Variants in ADAMTS7 observed in about 807,000 individuals in gnomAD.
The protein encoded by ADAMTS7 is A disintegrin and metalloproteinase with thrombospondin motifs 7.
In ADAMTS7, 89 loss-of-function variants were observed where a neutral mutation model predicts 172.6. That is an observed-to-expected ratio of 0.52 (90% confidence interval 0.43 to 0.61). The LOEUF (loss-of-function observed/expected upper bound fraction) is 0.61. Ranked by LOEUF, ADAMTS7 falls within the 20% of genes least tolerant of loss-of-function variation. The pLI is 0.00. For synonymous variants in ADAMTS7, 885 were observed against 978.4 expected, an observed-to-expected ratio of 0.90 and a Z score of 1.78; for missense variants, 1,973 against 2,355.6, an observed-to-expected ratio of 0.84 and a Z score of 3.36.
In ADAMTS7 at chr15:78,759,396, G is replaced by A. The variant is rs752954887; in HGVS notation, c.*25C>T. 115 of 1,569,126 alleles carry A rather than the reference G, an allele frequency of 7.3e-5. No individual in the cohort carries two copies. The highest frequency in any genetic ancestry group is 8.4e-5 in the Non-Finnish European group (98 of 1,161,826). On this transcript the variant is annotated 3_prime_UTR_variant, in exon 24 of 24. Coordinates refer to ENST00000388820, the MANE Select transcript of ADAMTS7 (RefSeq NM_014272.5). ...CCCGTGGTGGGCACTGAGGTCTGTC[G>A]GTCGGTCTGTGCATCCTGGCGCAGT...
chr15:78,765,207 G>C (rs1351141585), intron 19 of ADAMTS7: 1 of 237,480 alleles, frequency 4.2e-6, no homozygotes, highest in Admixed American at 5.1e-5. Context: ...AGGGGCACTA[G>C]CCAGCTTCTT....
chr15:78,777,552 G>C lies in ADAMTS7; in HGVS notation c.1359C>G (p.Ala453=). 1 of 1,608,608 alleles carries C rather than the reference G, an allele frequency of 6.2e-7. No individual in the cohort carries two copies. Among genetic ancestry groups the C allele is most frequent in the Non-Finnish European group, 8.5e-7 (1 of 1,177,714 alleles). Residue 453 remains alanine, a synonymous_variant, in exon 9 of 24, where the codon GCC becomes GCG. Coordinates refer to ENST00000388820, the MANE Select transcript of ADAMTS7 (RefSeq NM_014272.5). ...GWGLCLDDPP[A]KDIIDFPSVP... is the part of the protein sequence containing the mutation. Reference sequence around the variant, plus strand: ...CCGAGGGGAAGTCGATAATGTCCTTGGCAGGAGGGTCGTCCAGGCACAGGC... The same window carrying C: ...CCGAGGGGAAGTCGATAATGTCCTTCGCAGGAGGGTCGTCCAGGCACAGGC...
intron 1 of ADAMTS7, among the ~76,000 whole-genome samples, chr15:78,809,191 CT>C (rs903432967): frequency 9.9e-5 from 15 of 152,168 alleles, no homozygotes; most frequent in Admixed American, 2.0e-4. Flanking sequence ...TAGCAGGTCC[CT>C]GGGTCAGTCA....
rs1175508214 is a variant in ADAMTS7, at chr15:78,771,489, A to T, written c.2376+96T>A. The T allele has an allele frequency of 3.9e-6, 6 of 1,540,120 alleles. No individual in the cohort carries two copies. In the African/African-American group the frequency reaches 8.2e-5, roughly 21 times the overall value. ...CAGAGCCAGGCTCTGTGACTGAACCAGGGCTCACTCCTCCAGGACGAGACC... is the reference window on the plus strand; with the variant it reads ...CAGAGCCAGGCTCTGTGACTGAACCTGGGCTCACTCCTCCAGGACGAGACC... On this transcript the variant is annotated intron_variant, in intron 15 of 23. Coordinates refer to ENST00000388820, the MANE Select transcript of ADAMTS7 (RefSeq NM_014272.5). This position sits in a 1 kb window ranked among gnomAD's most constrained non-coding sequence, Gnocchi z 4.9.
chr15:78,807,628 G>T (rs1322483649), intron 1 of ADAMTS7, among the ~76,000 whole-genome samples: 2 of 152,214 alleles, frequency 1.3e-5, no homozygotes, highest in Non-Finnish European at 2.9e-5. Context: ...GTAAAATGGG[G>T]ATGATAATAA....
intron 10 of ADAMTS7, 96 bp downstream of exon 10, chr15:78,776,640 TGCTAGGAGCACAA>T: frequency 8.5e-7 from 1 of 1,181,294 alleles, no homozygotes; most frequent in Non-Finnish European, 1.2e-6. Flanking sequence ...CGTGGGGCTC[TGCTAGGAGCACAA>T]GCAAGACTGT....
rs184730555 is a variant in ADAMTS7, at chr15:78,794,514, A to G, written c.819+2076T>C. Among the ~76,000 whole-genome samples the G allele has an allele frequency of 1.2e-3, 177 of 152,296 alleles. 3 individuals carry two copies. Among genetic ancestry groups the G allele is most frequent in the Admixed American group, 0.011 (174 of 15,298 alleles). On this transcript the variant is annotated intron_variant, in intron 4 of 23. Transcript: ENST00000388820. ...AATGCTGGGCTCACCAGCTCAGAAA[A>G]GCTTGATATTGTCAGAGCAGGTGAG... is the stretch of plus-strand genomic sequence containing the variant.
At position 78,800,309 on chromosome 15, in the gene ADAMTS7, G is replaced by C. The variant is rs371861678; in HGVS notation, c.339C>G (p.Arg113=). 1 of 1,590,356 alleles carries C rather than the reference G, an allele frequency of 6.3e-7. No individual in the cohort carries two copies. The highest frequency in any genetic ancestry group is 1.7e-5 in the Admixed American group (1 of 57,184). The part of the protein sequence containing the change: ...APGFVSETRR[R]GGLGRAHIRA... Reference sequence around the variant, plus strand: ...GGATGTGCGCGCGGCCCAGGCCGCCGCGCCGCCGCGTCTCGCTCACAAAGC... The same window carrying C: ...GGATGTGCGCGCGGCCCAGGCCGCCCCGCCGCCGCGTCTCGCTCACAAAGC... The change falls in exon 2 of 24, where the codon CGC becomes CGG. Residue 113 remains arginine, a synonymous_variant. Coordinates refer to ENST00000388820, the MANE Select transcript of ADAMTS7 (RefSeq NM_014272.5).
At chr15:78,798,821 C>A (rs1251779113) in intron 2 of ADAMTS7, among the ~76,000 whole-genome samples, 2 of 152,194 alleles carry the variant, frequency 1.3e-5, no homozygotes, top group Admixed American at 1.3e-4. Flanking sequence ...TTTTATGTCC[C>A]TCGGACTTCC....
intron 1 of ADAMTS7, among the ~76,000 whole-genome samples, chr15:78,803,562 T>C (rs1451254574): frequency 6.6e-6 from 1 of 152,152 alleles, no homozygotes; most frequent in South Asian, 2.1e-4. Flanking sequence ...AAGCAATTCT[T>C]GTCTCTTAGC....
At chr15:78,787,364 A>G (rs2055516876) in intron 8 of ADAMTS7, among the ~76,000 whole-genome samples, 1 of 151,562 alleles carries the variant, frequency 6.6e-6, no homozygotes, top group Non-Finnish European at 1.5e-5. Flanking sequence ...AAAAAACAAA[A>G]AAACACCAGA....
rs1422111181 is a variant in ADAMTS7, at chr15:78,774,062, C to A, written c.2010+105G>T. On this transcript the variant is annotated intron_variant, in intron 13 of 23. Transcript: ENST00000388820. ...GACCCAGGAGAGAACCTGGGGCCCG[C>A]CATGGCCCGAGGAGGATCAGGAGGG... The A allele has an allele frequency of 4.0e-6, 6 of 1,516,628 alleles. No individual in the cohort carries two copies. The African/African-American group carries it at 5.5e-5, about 14-fold the overall frequency. The allele number at this position is 1,516,628 out of a possible 1,614,324, so 93.9% of individuals were successfully genotyped here.
At chr15:78,782,820 C>G (rs566277600) in intron 8 of ADAMTS7, among the ~76,000 whole-genome samples, 20 of 151,974 alleles carry the variant, frequency 1.3e-4, no homozygotes, top group Admixed American at 3.9e-4. Flanking sequence ...CTGTAAGAAC[C>G]GATCAGACCC....
chr15:78,768,213 G>C lies in ADAMTS7; in HGVS notation c.2565C>G (p.Pro855=), dbSNP rs565309663. ...NVYCLERQAG[P]VDEEHCDPLG... The stretch of plus-strand genomic sequence containing the variant: ...GGGGGTCACAGTGCTCCTCGTCCAC[G>C]GGCCCTGCCTGCCGCTCCAAGCAGT... Residue 855 remains proline (P), a synonymous_variant, in exon 17 of 24, where the codon CCC becomes CCG. Coordinates refer to ENST00000388820, the MANE Select transcript of ADAMTS7 (RefSeq NM_014272.5). 12 of 1,610,480 alleles carry C rather than the reference G, an allele frequency of 7.5e-6. No homozygotes were observed. The highest frequency in any genetic ancestry group is 6.6e-5 in the South Asian group (6 of 90,910).
chr15:78,780,877 C>G (rs952600629), intron 8 of ADAMTS7, among the ~76,000 whole-genome samples: 4 of 152,180 alleles, frequency 2.6e-5, no homozygotes, highest in African/African-American at 7.2e-5. Context: ...TCCTACAGAC[C>G]CACGAGGACT....
In ADAMTS7 at chr15:78,800,532, C is replaced by T. The variant is rs201790997; in HGVS notation, c.116G>A (p.Gly39Asp). Residue 39 changes from glycine to aspartate, a missense_variant, in exon 2 of 24, where the codon GGC becomes GAC. This residue lies in a region of ADAMTS7 where 306 missense variants were observed against 288.0 expected (regional missense o/e 1.06). Transcript: ENST00000388820. ...PGPAPGRATE[G>D]RAALDIVHPV... ...GTGCACGATGTCCAGTGCCGCCCGG[C>T]CCTCGGTTGCACGTCCTGCAGGGAG... 386 of 1,597,352 alleles carry T rather than the reference C, an allele frequency of 2.4e-4. 1 individual carries two copies. Among genetic ancestry groups the T allele is most frequent in the Non-Finnish European group, 1.7e-4 (196 of 1,172,586 alleles).
intron 19 of ADAMTS7, chr15:78,765,078 C>A: frequency 4.3e-6 from 1 of 231,346 alleles, no homozygotes; most frequent in Admixed American, 5.0e-5. Context: ...GCAGCCAAAT[C>A]GCTGGGTATC....
chr15:78,768,799 G>C (rs1567210135), intron 16 of ADAMTS7, among the ~76,000 whole-genome samples: 1 of 152,186 alleles, frequency 6.6e-6, no homozygotes, highest in Non-Finnish European at 1.5e-5. Context: ...TCCACATCCA[G>C]GGACCCAAAG....
intron 23 of ADAMTS7, 148 bp from the exon 24 acceptor site, chr15:78,759,726 G>A (rs2141465113): frequency 9.4e-7 from 1 of 1,062,320 alleles, no homozygotes; most frequent in East Asian, 2.9e-5. Context: ...AACCGGAGTT[G>A]CAGGTCTCCA....
Sources: allele counts gnomAD v4.1 joint callset (sites outside exome capture counted in the v4.1 genomes callset), GRCh38; gene constraint gnomAD v4.1.1; regional missense constraint gnomAD v4.1.1; non-coding constraint Gnocchi (gnomAD v3.1); transcripts MANE v1.5; gene names NCBI Gene and HGNC (gene_info 2026-07-23, HGNC 2026-07-21).